The following PCDH9 variants were observed in gnomAD, a reference collection of about 807,000 sequenced individuals.
PCDH9 encodes protocadherin 9, also known as protocadherin-9.
Under a neutral mutation model 70.6 loss-of-function variants are expected in PCDH9, and 24 were observed. The ratio of observed to expected loss-of-function variants is 0.34; its 90% confidence interval spans 0.25 to 0.48. PCDH9 has a LOEUF of 0.48. Among genes scored for constraint, PCDH9 ranks in the 20% least tolerant of loss-of-function variants. The pLI is 0.99. For synonymous variants in PCDH9, 562 were observed against 558.5 expected, an observed-to-expected ratio of 1.01 and a Z score of -0.09; for missense variants, 1,281 against 1,503.6, an observed-to-expected ratio of 0.85 and a Z score of 2.45.
At chr13:66,604,170 GCTTT>G (rs1269092416) in intron 4 of PCDH9, among the ~76,000 whole-genome samples, 1 of 151,922 alleles carries the variant, frequency 6.6e-6, no homozygotes, top group Non-Finnish European at 1.5e-5. Flanking sequence ...ATTCTCTTAT[GCTTT>G]CTTTGACTTT....
At chr13:67,055,004 G>A (rs1346603742) in intron 2 of PCDH9, among the ~76,000 whole-genome samples, 1 of 152,120 alleles carries the variant, frequency 6.6e-6, no homozygotes, top group Non-Finnish European at 1.5e-5. Flanking sequence ...TATCTTGAGG[G>A]TCTAAATTCT....
chr13:66,865,671 T>C (rs894900880), intron 3 of PCDH9, among the ~76,000 whole-genome samples: 6 of 152,172 alleles, frequency 3.9e-5, no homozygotes, highest in Non-Finnish European at 7.3e-5. Flanking sequence ...CAGGGAGGGA[T>C]GTGGGATGCA....
chr13:66,708,405 T>TTC (rs1482815345), intron 3 of PCDH9, among the ~76,000 whole-genome samples: 27 of 145,560 alleles, frequency 1.9e-4, no homozygotes, highest in Non-Finnish European at 3.4e-4. Context: ...GAGATTTAGT[T>TTC]TTTTTTTTTT....
chr13:66,668,606 G>C (rs1463665206), intron 3 of PCDH9, among the ~76,000 whole-genome samples: 3 of 152,108 alleles, frequency 2.0e-5, no homozygotes, highest in African/African-American at 7.2e-5. Flanking sequence ...TTCATAGTAA[G>C]ATGTGAAAAT....
chr13:66,735,031 G>C (rs1232369399), intron 3 of PCDH9, among the ~76,000 whole-genome samples: 1 of 152,136 alleles, frequency 6.6e-6, no homozygotes, highest in Non-Finnish European at 1.5e-5. Flanking sequence ...TAAAATACGA[G>C]GAATAGCTTG....
chr13:66,647,314 G>A (rs1244613678), intron 3 of PCDH9, among the ~76,000 whole-genome samples: 1 of 152,108 alleles, frequency 6.6e-6, no homozygotes, highest in Admixed American at 6.5e-5. Context: ...TGAGGAGAGG[G>A]AAGAGTAAAC....
intron 2 of PCDH9, among the ~76,000 whole-genome samples, chr13:67,069,976 T>G (rs2085728228): frequency 6.6e-6 from 1 of 151,860 alleles, no homozygotes; most frequent in Non-Finnish European, 1.5e-5. Flanking sequence ...TCCCTCTATC[T>G]TTTCATATAC....
intron 4 of PCDH9, among the ~76,000 whole-genome samples, chr13:66,508,288 T>G (rs1419616132): frequency 6.6e-6 from 1 of 152,146 alleles, no homozygotes; most frequent in Non-Finnish European, 1.5e-5. Context: ...GTTTAATAGA[T>G]GTAGGATTTC....
intron 3 of PCDH9, among the ~76,000 whole-genome samples, chr13:66,733,030 TA>T (rs1404485193): frequency 6.6e-6 from 1 of 152,054 alleles, no homozygotes; most frequent in Non-Finnish European, 1.5e-5. Flanking sequence ...TTTACTAAAT[TA>T]CGTATTTTAA....
intron 4 of PCDH9, among the ~76,000 whole-genome samples, chr13:66,589,490 A>G (rs561573294): frequency 1.3e-5 from 2 of 152,228 alleles, no homozygotes; most frequent in Non-Finnish European, 2.9e-5. Flanking sequence ...GTGGATCAGT[A>G]AAGAAAATAA....
At chr13:67,221,337 A>G (rs1242051100) in intron 2 of PCDH9, 1 of 152,102 alleles carries the variant, frequency 6.6e-6, no homozygotes. Flanking sequence ...TAGATTATTC[A>G]AAAATGAAAA....
chr13:67,120,655 GTT>G (rs1167716110), intron 2 of PCDH9, among the ~76,000 whole-genome samples: 1 of 152,036 alleles, frequency 6.6e-6, no homozygotes, highest in Non-Finnish European at 1.5e-5. Context: ...TCTATCAGTT[GTT>G]TAGTCACAGA....
At chr13:66,531,563 C>A (rs969993092) in intron 4 of PCDH9, among the ~76,000 whole-genome samples, 3 of 150,844 alleles carry the variant, frequency 2.0e-5, no homozygotes, top group African/African-American at 7.3e-5. Context: ...TATTAAGAAT[C>A]TAAACTAAAG....
At chr13:66,520,929 G>A (rs1462220448) in intron 4 of PCDH9, among the ~76,000 whole-genome samples, 1 of 152,128 alleles carries the variant, frequency 6.6e-6, no homozygotes, top group Non-Finnish European at 1.5e-5. Context: ...TTGCAAAGGA[G>A]GCGTGTTTGA....
At chr13:66,920,982 C>A (rs934797005) in intron 2 of PCDH9, among the ~76,000 whole-genome samples, 1 of 151,208 alleles carries the variant, frequency 6.6e-6, no homozygotes, top group Non-Finnish European at 1.5e-5. Context: ...ATAAAACTAT[C>A]TTAGAGTGAA....
chr13:67,124,368 A>C (rs1271350237), intron 2 of PCDH9, among the ~76,000 whole-genome samples: 4 of 152,174 alleles, frequency 2.6e-5, no homozygotes, highest in African/African-American at 7.2e-5. Context: ...TTTAATACAC[A>C]CTTAGTGAAT....
chr13:66,637,382 C>T, intron 3 of PCDH9, among the ~76,000 whole-genome samples: 1 of 152,072 alleles, frequency 6.6e-6, no homozygotes, highest in East Asian at 1.9e-4. Context: ...ATTACTAGTA[C>T]CTATGTGTGT....
chr13:66,356,881 A>G (rs1956392807), intron 4 of PCDH9, among the ~76,000 whole-genome samples: 1 of 151,992 alleles, frequency 6.6e-6, no homozygotes, highest in Non-Finnish European at 1.5e-5. Context: ...CCATTTACAC[A>G]CCTGAAGACA....
At chr13:66,666,474 G>A (rs2078099516) in intron 3 of PCDH9, among the ~76,000 whole-genome samples, 1 of 151,592 alleles carries the variant, frequency 6.6e-6, no homozygotes, top group South Asian at 2.1e-4. Flanking sequence ...TGCTCTCAAA[G>A]CAGCCTCATG....
Sources: gnomAD v4.1 joint callset for allele counts (sites outside exome capture counted in the v4.1 genomes callset) on GRCh38, gnomAD v4.1.1 for gene constraint, MANE v1.5 for transcripts, NCBI Gene and HGNC (gene_info 2026-07-23, HGNC 2026-07-21) for gene names.